DOP1B: variants seen among roughly 807,000 people sequenced by gnomAD.
DOP1B encodes DOP1 leucine zipper like protein B, also known as protein DOP1B.
DOP1B carries 174 observed loss-of-function variants against 233.5 expected under a neutral mutation model. The ratio of observed to expected loss-of-function variants is 0.75; its 90% CI spans 0.66 to 0.85. DOP1B has a LOEUF of 0.85. DOP1B is among the 40% of genes least tolerant of loss of function. The pLI is 0.00. For missense variants in DOP1B, 2,652 were observed against 2,846.6 expected (o/e 0.93, Z 1.56); for synonymous variants, 1,190 against 1,185.6 (o/e 1.00, Z -0.08).
At position 36,246,485 on chromosome 21, in the gene DOP1B, C is replaced by T. The variant is rs200881283; in HGVS notation, c.4505C>T (p.Ala1502Val). The change falls in exon 19 of 37, where the codon GCG (alanine) becomes GTG (valine). Residue 1502 changes from alanine (A) to valine (V), a missense_variant. This residue lies in a region of DOP1B where 2,617 missense variants were observed against 2,794.3 expected (regional missense o/e 0.94). Coordinates refer to ENST00000691173, the MANE Select transcript of DOP1B (RefSeq NM_001320714.2). This position sits in a 1 kb window ranked among gnomAD's most constrained non-coding sequence, Gnocchi z 5.1. ...PLTSQGLLVSAVVRGLQPAYG... is the reference protein window; with the variant it reads ...PLTSQGLLVSVVVRGLQPAYG... Reference sequence around the variant, plus strand: ...ACCTCCCAGGGTCTTCTGGTCTCTGCGGTGGTGAGGGGTCTGCAGCCCGCC... The same window carrying T: ...ACCTCCCAGGGTCTTCTGGTCTCTGTGGTGGTGAGGGGTCTGCAGCCCGCC... 9 of 1,614,100 alleles carry T rather than the reference C, an allele frequency of 5.6e-6. No homozygotes were observed. The East Asian group carries it at 6.7e-5, about 12-fold the overall frequency.
At chr21:36,257,818 G>T (rs2067122633) in intron 23 of DOP1B, among the ~76,000 whole-genome samples, 1 of 147,134 alleles carries the variant, frequency 6.8e-6, no homozygotes, top group Non-Finnish European at 1.5e-5. Context: ...TATGTAGATA[G>T]ATGTAGGTAG....
chr21:36,292,350 A>T (rs1032767083), intron 36 of DOP1B, 117 bp downstream of exon 36: 2 of 758,488 alleles, frequency 2.6e-6, no homozygotes, highest in Non-Finnish European at 4.0e-6. Flanking sequence ...TCCACCTCCC[A>T]GGTTCAAGTG....
chr21:36,280,457 A>G lies in DOP1B; in HGVS notation c.6031+111A>G, dbSNP rs542404441. The G allele has an allele frequency of 1.9e-4, 135 of 698,316 alleles. No homozygotes were observed. The African/African-American group carries it at 2.2e-3, about 12-fold the overall frequency. 43.3% of individuals were successfully genotyped at this position (698,316 alleles called of 1,614,324 possible). On this transcript the variant is annotated intron_variant, in intron 31 of 36. Coordinates refer to ENST00000691173, the MANE Select transcript of DOP1B (RefSeq NM_001320714.2). ...TACTCACACTTTCATGGTGCTGTCT[A>G]CGCCACAAAGACTGTAATGTGATGT...
chr21:36,164,907 G>C (rs2065894907), intron 2 of DOP1B, 36 bp downstream of exon 2: 1 of 1,441,094 alleles, frequency 6.9e-7, no homozygotes, highest in African/African-American at 1.5e-5. Flanking sequence ...TTGCATGGAG[G>C]TGGGGACGTA....
chr21:36,201,904 G>A (rs2066371984), intron 4 of DOP1B, among the ~76,000 whole-genome samples: 1 of 152,032 alleles, frequency 6.6e-6, no homozygotes, highest in Non-Finnish European at 1.5e-5. Context: ...ATTGAGTATG[G>A]CCGGGCACGG....
chr21:36,230,481 T>A lies in DOP1B; in HGVS notation c.1697T>A (p.Ile566Asn). ...GTAAAAGGTGAAAACGGCAAAATAA[T>A]TTTGGAAACAAAGGCAGTGATTCCC... is the stretch of plus-strand genomic sequence containing the variant. ...SPVKGENGKI[I>N]LETKAVIPGD... Residue 566 changes from isoleucine (I) to asparagine (N), a missense_variant, in exon 14 of 37, where the codon ATT becomes AAT. Physicochemically the swap from Ile to Asn is moderately radical, Grantham distance 149. Transcript: ENST00000691173. 8.1e-6 allele frequency: 13 copies of A among 1,610,894 alleles called. No homozygotes were observed. The highest frequency in any genetic ancestry group is 1.1e-5 in the Non-Finnish European group (13 of 1,177,284).
At chr21:36,277,236 T>G in intron 28 of DOP1B, 136 bp downstream of exon 28, 1 of 815,048 alleles carries the variant, frequency 1.2e-6, no homozygotes, top group Non-Finnish European at 1.9e-6. Context: ...TCAGGCAGCA[T>G]TGGCCTCAAG....
chr21:36,290,245 C>T (rs2067539975), intron 35 of DOP1B, among the ~76,000 whole-genome samples: 1 of 152,206 alleles, frequency 6.6e-6, no homozygotes, highest in Non-Finnish European at 1.5e-5. Flanking sequence ...CAGGTTTGGG[C>T]CGGACGTGGT....
At chr21:36,286,682 C>G (rs933007701) in intron 32 of DOP1B, among the ~76,000 whole-genome samples, 1 of 148,854 alleles carries the variant, frequency 6.7e-6, no homozygotes, top group Non-Finnish European at 1.5e-5. Flanking sequence ...ACAAAACTGA[C>G]TGAGCATGGC....
chr21:36,259,226 A>G (rs1208756818), intron 23 of DOP1B, among the ~76,000 whole-genome samples: 4 of 151,170 alleles, frequency 2.6e-5, no homozygotes, highest in African/African-American at 7.3e-5. Flanking sequence ...CGGCTTCCCA[A>G]AGTGCTGGGA....
At chr21:36,278,113 C>A (rs911296813) in intron 29 of DOP1B, 29 bp downstream of exon 29, 1 of 1,612,290 alleles carries the variant, frequency 6.2e-7, no homozygotes, top group African/African-American at 1.3e-5. Flanking sequence ...TTTCTTCCCA[C>A]CCATATGCAG....
At chr21:36,242,072 A>G (rs561610944) in intron 18 of DOP1B, among the ~76,000 whole-genome samples, 10 of 152,026 alleles carry the variant, frequency 6.6e-5, no homozygotes, top group Non-Finnish European at 1.5e-4. Flanking sequence ...TTTGGCTACT[A>G]TTCATGGCAG....
At chr21:36,218,984 A>C (rs76350093) in intron 9 of DOP1B, among the ~76,000 whole-genome samples, 4,137 of 152,304 alleles carry the variant, frequency 0.027, 93 homozygotes, top group Non-Finnish European at 0.044. Flanking sequence ...CACTTAACAC[A>C]CGTAGTCTGC....
At chr21:36,167,841 C>G (rs2065927850) in intron 2 of DOP1B, among the ~76,000 whole-genome samples, 1 of 151,056 alleles carries the variant, frequency 6.6e-6, no homozygotes, top group Non-Finnish European at 1.5e-5. Flanking sequence ...TAAGGTTCAT[C>G]CATGTTATAG....
rs74335770 is a variant in DOP1B at position 36,196,271 on chromosome 21, A to G, written c.139-2799A>G. On this transcript the variant is annotated intron_variant, in intron 2 of 36. Coordinates refer to ENST00000691173, the MANE Select transcript of DOP1B (RefSeq NM_001320714.2). ...TTTTAGCTCTCCTGCTCTTGAATCC[A>G]TGGAGAAAGCTTGTTAGCCTGTGAT... is the stretch of plus-strand genomic sequence containing the variant. 9.7e-3 allele frequency among the ~76,000 whole-genome samples: 1,485 copies of G among 152,344 alleles called. 23 individuals carry two copies. The highest frequency in any genetic ancestry group is 0.033 in the African/African-American group (1,367 of 41,576).
rs1374138426 is a variant in DOP1B at position 36,270,070 on chromosome 21, C to A, written c.5545C>A (p.Gln1849Lys). The stretch of plus-strand genomic sequence containing the variant: ...GAACATTGCCGGCTCTTCCTTGGAG[C>A]AAACCAGCTGGCTAAGCAGAAACCT... ...VGNIAGSSLE[Q>K]TSWLSRNLEV... Residue 1849 changes from glutamine (Q) to lysine (K), a missense_variant, in exon 27 of 37, where the codon CAA becomes AAA. Coordinates refer to ENST00000691173, the MANE Select transcript of DOP1B (RefSeq NM_001320714.2). 1.9e-6 allele frequency: 3 copies of A among 1,613,994 alleles called. No individual in the cohort carries two copies. Among genetic ancestry groups the A allele is most frequent in the Non-Finnish European group, 2.5e-6 (3 of 1,180,032 alleles).
At position 36,246,386 on chromosome 21, in the gene DOP1B, C is replaced by G; in HGVS notation, c.4406C>G (p.Ser1469Cys). ...HEEAENQPDL[S>C]REWQRALNFQ... The stretch of plus-strand genomic sequence containing the variant: ...GAGGCGGAAAACCAGCCCGACCTGT[C>G]CCGGGAGTGGCAGAGAGCCCTGAAC... Residue 1469 changes from serine to cysteine, a missense_variant, in exon 19 of 37, where the codon TCC becomes TGC. Ser to Cys is a moderately radical substitution (Grantham distance 112, BLOSUM62 -1). Around this residue, in one of 3 missense-constraint regions of DOP1B, gnomAD observed 2,617 missense variants for 2,794.3 expected, o/e 0.94. Transcript: ENST00000691173. This position sits in a 1 kb window ranked among gnomAD's most constrained non-coding sequence, Gnocchi z 5.1. The G allele has an allele frequency of 1.2e-6, 2 of 1,613,366 alleles. No homozygotes were observed. Among genetic ancestry groups the G allele is most frequent in the Admixed American group, 1.7e-5 (1 of 59,892 alleles).
rs1413407779 is a variant in DOP1B, at chr21:36,248,479, G to A, written c.4909G>A (p.Val1637Ile). 6.2e-7 allele frequency: 1 copy of A among 1,614,180 alleles called. No homozygotes were observed. Among genetic ancestry groups the A allele is most frequent in the East Asian group, 2.2e-5 (1 of 44,878 alleles). The change falls in exon 21 of 37, where the codon GTT becomes ATT. Residue 1637 changes from valine to isoleucine, a missense_variant. By Grantham distance (29) the Val-to-Ile change is conservative. Transcript: ENST00000691173. ...TAACACCATGGCCCTTCTCTGGAAT[G>A]TTCTCAGAAAGGAGGAGACTCAAAA... ...TVNTMALLWN[V>I]LRKEETQKRP...
intron 2 of DOP1B, among the ~76,000 whole-genome samples, chr21:36,183,866 CTTTT>C (rs869202145): frequency 7.3e-6 from 1 of 137,412 alleles, no homozygotes; most frequent in Admixed American, 7.3e-5. Context: ...TACATGGTTT[CTTTT>C]TTTTTTTTTT....
Sources: allele counts gnomAD v4.1 joint callset (sites outside exome capture counted in the v4.1 genomes callset), GRCh38; gene constraint gnomAD v4.1.1; regional missense constraint gnomAD v4.1.1; non-coding constraint Gnocchi (gnomAD v3.1); transcripts MANE v1.5; gene names NCBI Gene and HGNC (gene_info 2026-07-23, HGNC 2026-07-21).